TDRD5: variants seen among roughly 807,000 people sequenced by gnomAD.
The protein encoded by TDRD5 is tudor domain-containing protein 5.
Under a neutral mutation model 120.6 loss-of-function variants are expected in TDRD5, and 41 were observed. That is an observed-to-expected ratio of 0.34 (90% CI 0.26 to 0.44). The LOEUF (loss-of-function observed/expected upper bound fraction) is 0.44. TDRD5 is among the 20% of genes least tolerant of loss of function. The pLI is 1.00. For missense variants in TDRD5, 1,006 were observed against 1,221.2 expected, an observed-to-expected ratio of 0.82 and a Z score of 2.63; for synonymous variants, 430 against 433.7, an observed-to-expected ratio of 0.99 and a Z score of 0.11.
intron 7 of TDRD5, among the ~76,000 whole-genome samples, chr1:179,634,152 T>C (rs6669210): frequency 0.93 from 139,573 of 150,254 alleles, 65,453 homozygotes; most frequent in Non-Finnish European, 0.99. Flanking sequence ...GTCTGGGCAA[T>C]AGAGCAAGAC....
At chr1:179,646,512 A>G (rs1678371718) in intron 11 of TDRD5, among the ~76,000 whole-genome samples, 1 of 150,124 alleles carries the variant, frequency 6.7e-6, no homozygotes, top group African/African-American at 2.4e-5. Context: ...GAATGGGCAA[A>G]AACTGGAAGC....
chr1:179,608,111 T>C (rs1371462877), intron 4 of TDRD5, among the ~76,000 whole-genome samples: 1 of 152,058 alleles, frequency 6.6e-6, no homozygotes, highest in South Asian at 2.1e-4. Context: ...AGAGATGTTA[T>C]TCCATTTTTT....
rs1299994589 is a variant in TDRD5, at chr1:179,677,438, A to G, written c.2860+8034A>G. On this transcript the variant is annotated intron_variant, in intron 17 of 17. Coordinates refer to ENST00000444136, the MANE Select transcript of TDRD5 (RefSeq NM_001199085.3). ...GTGTTAAAGAACCTTATTTTGTCAT[A>G]TTACCAGAATGATTTTTCTGGTTCC... Among the ~76,000 whole-genome samples the G allele has an allele frequency of 3.9e-5, 6 of 152,236 alleles. No homozygotes were observed. In the East Asian group the frequency reaches 1.2e-3, roughly 29 times the overall value.
chr1:179,592,980 A>G (rs540852127), intron 2 of TDRD5, 133 bp downstream of exon 2: 2 of 957,330 alleles, frequency 2.1e-6, no homozygotes, highest in Non-Finnish European at 3.0e-6. Context: ...GGAGACTCAT[A>G]GGTGCTTTTG....
At chr1:179,686,238 A>C (rs1306940274) in intron 17 of TDRD5, among the ~76,000 whole-genome samples, 1 of 150,930 alleles carries the variant, frequency 6.6e-6, no homozygotes, top group Admixed American at 6.6e-5. Context: ...ATTTATTGAG[A>C]GTTTTTAGCA....
intron 11 of TDRD5, among the ~76,000 whole-genome samples, chr1:179,645,690 A>T (rs910859289): frequency 6.6e-6 from 1 of 151,980 alleles, no homozygotes; most frequent in African/African-American, 2.4e-5. Flanking sequence ...TTTGTCTATG[A>T]TTATTCTTTT....
intron 3 of TDRD5, 111 bp downstream of exon 3, chr1:179,593,978 AGTGGTC>A: frequency 7.2e-7 from 1 of 1,380,458 alleles, no homozygotes; most frequent in Non-Finnish European, 9.7e-7. Flanking sequence ...TTGCCAGCTG[AGTGGTC>A]TCAGGCGAAC....
At chr1:179,690,601 T>G in intron 17 of TDRD5, 95 bp from the exon 18 acceptor site, 1 of 1,497,756 alleles carries the variant, frequency 6.7e-7, no homozygotes, top group Non-Finnish European at 8.9e-7. Context: ...AGAAAATGAT[T>G]GTAACACATA....
At chr1:179,642,438 C>T (rs1261136042) in intron 11 of TDRD5, among the ~76,000 whole-genome samples, 1 of 152,106 alleles carries the variant, frequency 6.6e-6, no homozygotes, top group Non-Finnish European at 1.5e-5. Flanking sequence ...GGCCTTAGGG[C>T]TTTTGCACAT....
intron 17 of TDRD5, among the ~76,000 whole-genome samples, chr1:179,674,510 GT>G (rs1680018992): frequency 6.6e-6 from 1 of 151,792 alleles, no homozygotes; most frequent in Non-Finnish European, 1.5e-5. Context: ...TTTTTTTGTT[GT>G]TGTTATGTCC....
chr1:179,682,841 C>T (rs10913863), intron 17 of TDRD5, among the ~76,000 whole-genome samples: 1 of 151,966 alleles, frequency 6.6e-6, no homozygotes, highest in South Asian at 2.1e-4. Flanking sequence ...GGATGTCTTT[C>T]CATTATGGCT....
At chr1:179,664,288 C>CTT (rs201768771) in intron 16 of TDRD5, among the ~76,000 whole-genome samples, 1 of 150,936 alleles carries the variant, frequency 6.6e-6, no homozygotes, top group African/African-American at 2.4e-5. Context: ...TTTCTCTTGT[C>CTT]TTTTTTTTTA....
intron 17 of TDRD5, among the ~76,000 whole-genome samples, chr1:179,671,561 AC>A (rs1364086880): frequency 6.6e-6 from 1 of 151,936 alleles, no homozygotes; most frequent in Non-Finnish European, 1.5e-5. Context: ...TTTTGTAAAA[AC>A]CTAGGACAAA....
At chr1:179,632,608 T>C (rs1304365651) in intron 7 of TDRD5, among the ~76,000 whole-genome samples, 1 of 152,058 alleles carries the variant, frequency 6.6e-6, no homozygotes, top group Non-Finnish European at 1.5e-5. Flanking sequence ...AGATAGATCT[T>C]TTTTTTTAAT....
In TDRD5 at chr1:179,592,690, T is replaced by C; in HGVS notation, c.75T>C (p.Gly25=). ...IRSLLISTKD[G]LSPQELEKEY... is the part of the protein sequence containing the mutation. ...CACTTCTCATTTCCACCAAAGATGGTTTGAGCCCACAGGAGTTGGAGAAGG... is the reference window on the plus strand; with the variant it reads ...CACTTCTCATTTCCACCAAAGATGGCTTGAGCCCACAGGAGTTGGAGAAGG... The change falls in exon 2 of 18, where the codon GGT becomes GGC. Residue 25 remains glycine, a synonymous_variant. Coordinates refer to ENST00000444136, the MANE Select transcript of TDRD5 (RefSeq NM_001199085.3). 3 of 1,614,114 alleles carry C rather than the reference T, an allele frequency of 1.9e-6. No homozygotes were observed. Among genetic ancestry groups the C allele is most frequent in the Non-Finnish European group, 2.5e-6 (3 of 1,180,028 alleles).
intron 6 of TDRD5, among the ~76,000 whole-genome samples, chr1:179,623,184 T>C: frequency 6.6e-6 from 1 of 152,130 alleles, no homozygotes; most frequent in East Asian, 1.9e-4. Context: ...TTTCAGGTAA[T>C]CAGAATTGGA....
In TDRD5 at chr1:179,635,771, C is replaced by A; in HGVS notation, c.1404C>A (p.Asp468Glu). The change falls in exon 9 of 18, where the codon GAC becomes GAA. Residue 468 changes from aspartate (D) to glutamate (E), a missense_variant. By Grantham distance (45) the Asp-to-Glu change is conservative. Coordinates refer to ENST00000444136, the MANE Select transcript of TDRD5 (RefSeq NM_001199085.3). ...NKKLCRLPPL[D>E]TSSLIGVFVE... ...AATTATGCAGACTCCCACCATTAGA[C>A]ACCAGTTCCCTCATAGGGGTCTTTG... is the stretch of plus-strand genomic sequence containing the variant. The A allele has an allele frequency of 6.2e-7, 1 of 1,614,056 alleles. No individual in the cohort carries two copies. The highest frequency in any genetic ancestry group is 8.5e-7 in the Non-Finnish European group (1 of 1,180,004).
intron 13 of TDRD5, among the ~76,000 whole-genome samples, chr1:179,653,239 C>A (rs1678816299): frequency 1.3e-5 from 2 of 151,946 alleles, no homozygotes; most frequent in Non-Finnish European, 2.9e-5. Context: ...GATACAATGT[C>A]TTTTTATTTT....
intron 17 of TDRD5, among the ~76,000 whole-genome samples, chr1:179,684,975 T>G (rs1184098548): frequency 2.0e-5 from 3 of 152,106 alleles, no homozygotes; most frequent in Non-Finnish European, 4.4e-5. Flanking sequence ...TTGCAAAAAT[T>G]TTCTCCCATT....
Sources: allele counts gnomAD v4.1 joint callset (sites outside exome capture counted in the v4.1 genomes callset), GRCh38; gene constraint gnomAD v4.1.1; transcripts MANE v1.5; gene names NCBI Gene and HGNC (gene_info 2026-07-23, HGNC 2026-07-21).